PARD3: variants seen among roughly 807,000 people sequenced by gnomAD.
PARD3 encodes the protein partitioning defective 3 homolog.
A neutral mutation model predicts 155.4 loss-of-function variants in PARD3; 75 were observed. The observed-to-expected ratio is 0.48, with a 90% CI of 0.40 to 0.58. The LOEUF (loss-of-function observed/expected upper bound fraction) is 0.58. Among genes scored for constraint, PARD3 ranks in the 20% least tolerant of loss-of-function variants. PARD3 has a pLI of 0.00. For missense variants in PARD3, 1,642 were observed against 1,721.7 expected, an observed-to-expected ratio of 0.95 and a Z score of 0.82; for synonymous variants, 576 against 610.5, an observed-to-expected ratio of 0.94 and a Z score of 0.83.
At chr10:34,803,259 A>AC (rs1263252451) in intron 1 of PARD3, among the ~76,000 whole-genome samples, 3 of 151,510 alleles carry the variant, frequency 2.0e-5, no homozygotes, top group Non-Finnish European at 4.4e-5. Flanking sequence ...ATAATAACAA[A>AC]AAAAAAAAAA....
chr10:34,330,674 G>A (rs1251687076), intron 19 of PARD3, among the ~76,000 whole-genome samples: 1 of 151,974 alleles, frequency 6.6e-6, no homozygotes, highest in Non-Finnish European at 1.5e-5. Flanking sequence ...ATTATATCTA[G>A]CAACATGTAC....
chr10:34,247,407 C>G (rs1005641866), intron 22 of PARD3, among the ~76,000 whole-genome samples: 2 of 152,098 alleles, frequency 1.3e-5, no homozygotes, highest in African/African-American at 2.4e-5. Flanking sequence ...GAGACTGAGG[C>G]AGGAGAATTG....
intron 2 of PARD3, among the ~76,000 whole-genome samples, chr10:34,620,186 G>A (rs2091558535): frequency 6.6e-6 from 1 of 152,070 alleles, no homozygotes; most frequent in Non-Finnish European, 1.5e-5. Context: ...CTGTGTTCTT[G>A]CTCCCAAATG....
intron 7 of PARD3, among the ~76,000 whole-genome samples, chr10:34,389,741 T>A (rs928800110): frequency 1.3e-5 from 2 of 152,066 alleles, no homozygotes; most frequent in African/African-American, 4.8e-5. Flanking sequence ...AGCAACTACC[T>A]ACATGAGCCC....
At chr10:34,314,270 T>C (rs1038944379) in intron 20 of PARD3, among the ~76,000 whole-genome samples, 8 of 151,832 alleles carry the variant, frequency 5.3e-5, no homozygotes, top group African/African-American at 1.9e-4. Flanking sequence ...CCAGAAGGTA[T>C]GGAAGGAAGG....
At chr10:34,345,541 C>T (rs1837321530) in intron 15 of PARD3, 1 of 985,290 alleles carries the variant, frequency 1.0e-6, no homozygotes, top group Non-Finnish European at 1.2e-6. Context: ...CAATCATTAA[C>T]CAAACAGTCT....
intron 2 of PARD3, among the ~76,000 whole-genome samples, chr10:34,573,095 G>C (rs1197000804): frequency 6.6e-6 from 1 of 152,172 alleles, no homozygotes; most frequent in Non-Finnish European, 1.5e-5. Context: ...GCTCACATCT[G>C]TAATGCCAGC....
In PARD3 at chr10:34,402,358, A is replaced by C. The variant is rs549615044; in HGVS notation, c.715-441T>G. On this transcript the variant is annotated intron_variant, in intron 5 of 24. Transcript: ENST00000374788. ...ACTCAAAACAGTTACAACGATTATA[A>C]ACCATAACCATTACCAAAAGCTTCA... Among the ~76,000 whole-genome samples the C allele has an allele frequency of 1.8e-3, 273 of 152,232 alleles. 2 individuals are homozygous for C. The highest frequency in any genetic ancestry group is 6.2e-3 in the African/African-American group (258 of 41,544).
chr10:34,563,515 C>G (rs970150832), intron 2 of PARD3, among the ~76,000 whole-genome samples: 1 of 145,658 alleles, frequency 6.9e-6, no homozygotes, highest in Non-Finnish European at 1.5e-5. Flanking sequence ...TATAGGTGCA[C>G]GCCACCACGC....
At chr10:34,285,276 A>G (rs1000640290) in intron 20 of PARD3, among the ~76,000 whole-genome samples, 1 of 152,342 alleles carries the variant, frequency 6.6e-6, no homozygotes, top group Non-Finnish European at 1.5e-5. Flanking sequence ...ATCGAAAAAG[A>G]GGGTCAGGCC....
rs66906403 is a variant in PARD3, at chr10:34,485,918, G to GTTT, written c.404-15658_404-15656dup. On this transcript the variant is annotated intron_variant, in intron 3 of 24. Coordinates refer to ENST00000374788, the MANE Select transcript of PARD3 (RefSeq NM_001184785.2). ...TAATGTGGCTGTTTAAACGTTTTGG[G>GTTT]TTTTTTTTTTTTTTTTTTTTTTTGA... is the stretch of plus-strand genomic sequence containing the variant. 4.8e-3 allele frequency among the ~76,000 whole-genome samples: 458 copies of GTTT among 95,742 alleles called. 9 individuals carry two copies. Among genetic ancestry groups the GTTT allele is most frequent in the African/African-American group, 0.019 (402 of 21,130 alleles). 62.8% of individuals were successfully genotyped at this position (95,742 alleles called of 152,430 possible). A position where few individuals can be genotyped will look rare whatever the true frequency, so the allele number is the denominator to read the frequency against.
At chr10:34,562,598 C>A (rs1442468025) in intron 2 of PARD3, among the ~76,000 whole-genome samples, 2 of 152,104 alleles carry the variant, frequency 1.3e-5, no homozygotes, top group Non-Finnish European at 2.9e-5. Flanking sequence ...GGACAATTCC[C>A]ACTTTTATTT....
chr10:34,334,299 T>A (rs1334498145), intron 18 of PARD3, among the ~76,000 whole-genome samples: 1 of 148,872 alleles, frequency 6.7e-6, no homozygotes, highest in Non-Finnish European at 1.5e-5. Flanking sequence ...AATCATACTA[T>A]TTTCCTAGAT....
At chr10:34,565,260 CTTTTTTTTTTTTT>C (rs59606413) in intron 2 of PARD3, among the ~76,000 whole-genome samples, 3 of 39,666 alleles carry the variant, frequency 7.6e-5, no homozygotes, top group South Asian at 1.2e-3. Flanking sequence ...AGGAGCAAGG[CTTTTTTTTTTTTT>C]TTTTTTTTTT....
intron 1 of PARD3, among the ~76,000 whole-genome samples, chr10:34,751,363 T>A (rs1264010706): frequency 2.6e-5 from 4 of 152,224 alleles, no homozygotes; most frequent in African/African-American, 7.2e-5. Flanking sequence ...CAACTCCATC[T>A]CAGATATTAA....
At chr10:34,632,502 G>C (rs1415088608) in intron 2 of PARD3, among the ~76,000 whole-genome samples, 1 of 152,156 alleles carries the variant, frequency 6.6e-6, no homozygotes, top group Admixed American at 6.5e-5. Flanking sequence ...GCAAAAGACA[G>C]ACCAGAGAAG....
At chr10:34,551,239 G>A (rs1476063310) in intron 2 of PARD3, among the ~76,000 whole-genome samples, 2 of 152,122 alleles carry the variant, frequency 1.3e-5, no homozygotes, top group African/African-American at 4.8e-5. Context: ...CCGAAGCAGT[G>A]CCCTGTTCAG....
At chr10:34,231,874 G>A (rs1006946236) in intron 22 of PARD3, among the ~76,000 whole-genome samples, 2 of 152,000 alleles carry the variant, frequency 1.3e-5, no homozygotes, top group African/African-American at 2.4e-5. Context: ...TGATAGTAAA[G>A]TAAAACAATA....
intron 1 of PARD3, among the ~76,000 whole-genome samples, chr10:34,715,358 C>T (rs897854810): frequency 2.6e-4 from 39 of 152,048 alleles, no homozygotes; most frequent in Non-Finnish European, 4.4e-4. Flanking sequence ...GGACTGCACC[C>T]GGCCCTGTGC....
Sources: gnomAD v4.1 joint callset for allele counts (sites outside exome capture counted in the v4.1 genomes callset) on GRCh38, gnomAD v4.1.1 for gene constraint, MANE v1.5 for transcripts, NCBI Gene and HGNC (gene_info 2026-07-23, HGNC 2026-07-21) for gene names.